The following USF3 variants were observed in gnomAD, a reference collection of about 807,000 sequenced individuals.
The protein encoded by USF3 is basic helix-loop-helix domain-containing protein USF3.
Under a neutral mutation model 157.5 loss-of-function variants are expected in USF3, and 29 were observed. That is an observed-to-expected ratio of 0.18 (90% CI 0.14 to 0.25). The LOEUF (loss-of-function observed/expected upper bound fraction) is 0.25. USF3 is among the 10% of genes least tolerant of loss of function. USF3 has a pLI of 1.00. For synonymous variants in USF3, 893 were observed against 941.4 expected (o/e 0.95, Z 0.94); for missense variants, 2,381 against 2,667.6 (o/e 0.89, Z 2.37).
At chr3:113,683,464 CTTTTT>C (rs5851905) in intron 1 of USF3, among the ~76,000 whole-genome samples, 4 of 87,112 alleles carry the variant, frequency 4.6e-5, no homozygotes, top group Admixed American at 1.4e-4. Context: ...TTATCCCCTG[CTTTTT>C]TTTTTTTTTT....
chr3:113,660,161 C>T lies in USF3; in HGVS notation c.1521G>A (p.Gln507=). 1 of 1,614,114 alleles carries T rather than the reference C, an allele frequency of 6.2e-7. No homozygotes were observed. Among genetic ancestry groups the T allele is most frequent in the Non-Finnish European group, 8.5e-7 (1 of 1,180,002 alleles). The part of the protein sequence containing the change: ...TLPSCPSLPM[Q]PLIAQPQVKS... Reference sequence around the variant, plus strand: ...TAACTTGTGGCTGGGCAATTAGTGGCTGCATAGGTAAAGATGGACAAGAAG... The same window carrying T: ...TAACTTGTGGCTGGGCAATTAGTGGTTGCATAGGTAAAGATGGACAAGAAG... The change falls in exon 7 of 7, where the codon CAG becomes CAA. Residue 507 remains glutamine (Q), a synonymous_variant. Coordinates refer to ENST00000316407, the MANE Select transcript of USF3 (RefSeq NM_001009899.4).
intron 4 of USF3, among the ~76,000 whole-genome samples, chr3:113,672,569 A>G (rs1707184631): frequency 6.6e-6 from 1 of 152,156 alleles, no homozygotes; most frequent in African/African-American, 2.4e-5. Flanking sequence ...CTCTAATAAT[A>G]GTATTTGTTG....
In USF3 at chr3:113,654,740, T is replaced by G; in HGVS notation, c.*204A>C. On this transcript the variant is annotated 3_prime_UTR_variant, in exon 7 of 7. Transcript: ENST00000316407. ...ACTTGGAAAATAAAAAAGTACACCATGCAGTTGAAAACGAAAGATAACTTG... is the reference window on the plus strand; with the variant it reads ...ACTTGGAAAATAAAAAAGTACACCAGGCAGTTGAAAACGAAAGATAACTTG... The G allele has an allele frequency of 3.7e-6, 2 of 544,416 alleles. No homozygotes were observed. The highest frequency in any genetic ancestry group is 6.3e-6 in the Non-Finnish European group (2 of 315,242). 33.7% of individuals were successfully genotyped at this position (544,416 alleles called of 1,614,324 possible). A position where few individuals can be genotyped will look rare whatever the true frequency, so the allele number is the denominator to read the frequency against.
Position 113,680,760 on chromosome 3 carries a change from G to A in USF3, c.-134-3363C>T, listed in dbSNP as rs538623786. 3.0e-4 allele frequency among the ~76,000 whole-genome samples: 44 copies of A among 147,822 alleles called. No homozygotes were observed. In the East Asian group the frequency reaches 8.6e-3, roughly 29 times the overall value. On this transcript the variant is annotated intron_variant, in intron 1 of 6. Transcript: ENST00000316407. ...AGGTTGCAGTGAGCCAAGATCACAC[G>A]CCACTCCAGCGTGAGTGACAGAATG...
chr3:113,657,734 G>A lies in USF3; in HGVS notation c.3948C>T (p.Leu1316=), dbSNP rs1001162417. The change falls in exon 7 of 7, where the codon CTC becomes CTT. Residue 1316 remains leucine, a synonymous_variant. Transcript: ENST00000316407. Reference sequence around the variant, plus strand: ...TACGGCTTTCATGGCTTGGCTTTAAGAGTGGCTCTTGAATCTGTGAATTTG... The same window carrying A: ...TACGGCTTTCATGGCTTGGCTTTAAAAGTGGCTCTTGAATCTGTGAATTTG... The part of the protein sequence containing the change: ...TIPNSQIQEP[L]LKPSHESRKD... 3 of 1,614,136 alleles carry A rather than the reference G, an allele frequency of 1.9e-6. No individual in the cohort carries two copies. Among genetic ancestry groups the A allele is most frequent in the East Asian group, 2.2e-5 (1 of 44,882 alleles).
intron 1 of USF3, among the ~76,000 whole-genome samples, chr3:113,687,622 T>A (rs1046508792): frequency 2.0e-5 from 3 of 152,374 alleles, no homozygotes; most frequent in Admixed American, 6.5e-5. Flanking sequence ...CTCAGTATAG[T>A]CTTCCCCCCT....
intron 4 of USF3, among the ~76,000 whole-genome samples, chr3:113,672,907 T>C (rs913889866): frequency 6.6e-6 from 1 of 152,232 alleles, no homozygotes; most frequent in Non-Finnish European, 1.5e-5. Flanking sequence ...TATCTTCCTA[T>C]AATTGAGGAC....
rs748831747 is a variant in USF3, at chr3:113,655,603, G to C, written c.6079C>G (p.Gln2027Glu). 6.2e-7 allele frequency: 1 copy of C among 1,613,982 alleles called. No individual in the cohort carries two copies. Among genetic ancestry groups the C allele is most frequent in the Admixed American group, 1.7e-5 (1 of 60,004 alleles). Residue 2027 changes from glutamine to glutamate, a missense_variant, in exon 7 of 7, where the codon CAA (glutamine) becomes GAA (glutamate). Around this residue, in one of 6 missense-constraint regions of USF3, gnomAD observed 770 missense variants for 824.2 expected, o/e 0.93. Transcript: ENST00000316407. ...STGGSMILGR[Q>E]QPATEKRGSI... Reference sequence around the variant, plus strand: ...CCTCTCTTCTCTGTGGCAGGTTGTTGACGTCCAAGAATCATACTGCCACCA... The same window carrying C: ...CCTCTCTTCTCTGTGGCAGGTTGTTCACGTCCAAGAATCATACTGCCACCA...
chr3:113,669,982 TA>T, intron 5 of USF3, 138 bp downstream of exon 5: 1 of 605,074 alleles, frequency 1.7e-6, no homozygotes, highest in South Asian at 2.1e-5. Context: ...TGGGAAGAAT[TA>T]AAACAAGGCA....
Position 113,673,396 on chromosome 3 carries a change from TA to T in USF3, c.48-21del. ...TTCTTTCTGAAACAAAAAGTACAGATAAAAGGTAACATGAAAATAATGGGAA... is the reference window on the plus strand; with the variant it reads ...TTCTTTCTGAAACAAAAAGTACAGATAAAGGTAACATGAAAATAATGGGAA... On this transcript the variant is annotated intron_variant, in intron 3 of 6. Transcript: ENST00000316407. The T allele has an allele frequency of 2.6e-6, 4 of 1,526,198 alleles. No individual in the cohort carries two copies. The highest frequency in any genetic ancestry group is 1.4e-5 in the African/African-American group (1 of 73,234). The allele number at this position is 1,526,198 out of a possible 1,614,324, so 94.5% of individuals were successfully genotyped here. A position where few individuals can be genotyped will look rare whatever the true frequency, so the allele number is the denominator to read the frequency against.
chr3:113,678,732 T>G (rs1707339613), intron 1 of USF3, among the ~76,000 whole-genome samples: 1 of 152,202 alleles, frequency 6.6e-6, no homozygotes, highest in Admixed American at 6.5e-5. Context: ...AAAGTGTCAT[T>G]AAAAATTTTT....
chr3:113,685,724 T>G (rs1173859108), intron 1 of USF3, among the ~76,000 whole-genome samples: 2 of 152,288 alleles, frequency 1.3e-5, no homozygotes, highest in East Asian at 3.9e-4. Context: ...TGATGTTTAT[T>G]CAAAACCCAA....
chr3:113,686,681 C>T (rs1029705818), intron 1 of USF3, among the ~76,000 whole-genome samples: 1 of 152,208 alleles, frequency 6.6e-6, no homozygotes, highest in African/African-American at 2.4e-5. Flanking sequence ...TGCCTCATCC[C>T]TTCCTCAGTG....
chr3:113,660,438 T>G lies in USF3; in HGVS notation c.1244A>C (p.Lys415Thr), dbSNP rs757964605. The change falls in exon 7 of 7, where the codon AAA becomes ACA. Residue 415 changes from lysine (K) to threonine (T), a missense_variant. By Grantham distance (78) the Lys-to-Thr change is moderately conservative (BLOSUM62 -1). This residue lies in a region of USF3 where 1,435 missense variants were observed against 1,550.9 expected (regional missense o/e 0.93). Coordinates refer to ENST00000316407, the MANE Select transcript of USF3 (RefSeq NM_001009899.4). ...PSSSVSTSDL[K>T]NINSLTRISS... Reference sequence around the variant, plus strand: ...GATTCGTGTAAGGCTATTAATGTTTTTCAAATCTGAAGTACTAACACTTGA... The same window carrying G: ...GATTCGTGTAAGGCTATTAATGTTTGTCAAATCTGAAGTACTAACACTTGA... The G allele has an allele frequency of 3.6e-5, 58 of 1,614,088 alleles. No homozygotes were observed. The highest frequency in any genetic ancestry group is 4.9e-5 in the Non-Finnish European group (58 of 1,180,044).
intron 1 of USF3, among the ~76,000 whole-genome samples, chr3:113,693,587 A>T (rs1393817317): frequency 6.6e-6 from 1 of 152,230 alleles, no homozygotes; most frequent in African/African-American, 2.4e-5. Flanking sequence ...AGGGTTCCAA[A>T]CCAAACCAAT....
intron 5 of USF3, among the ~76,000 whole-genome samples, chr3:113,666,347 G>A (rs992381128): frequency 1.4e-5 from 2 of 148,010 alleles, no homozygotes; most frequent in African/African-American, 2.5e-5. Flanking sequence ...TGCCTTTCGG[G>A]CTCAAGCAAT....
chr3:113,683,851 A>T (rs1241184218), intron 1 of USF3, among the ~76,000 whole-genome samples: 4 of 152,230 alleles, frequency 2.6e-5, no homozygotes, highest in African/African-American at 9.6e-5. Flanking sequence ...TATTTTTGAT[A>T]GATTTGTCTT....
At chr3:113,688,364 C>A (rs540622821) in intron 1 of USF3, among the ~76,000 whole-genome samples, 106 of 152,294 alleles carry the variant, frequency 7.0e-4, no homozygotes, top group African/African-American at 2.4e-3. Flanking sequence ...GTGATCCCCC[C>A]ACCTTGGCCT....
Position 113,649,075 on chromosome 3 carries a change from A to T in USF3, c.*5869T>A, listed in dbSNP as rs955339564. The T allele has an allele frequency of 2.0e-5, 3 of 152,654 alleles. No homozygotes were observed. The highest frequency in any genetic ancestry group is 7.2e-5 in the African/African-American group (3 of 41,546). 9.5% of individuals were successfully genotyped at this position (152,654 alleles called of 1,614,324 possible). A position where few individuals can be genotyped will look rare whatever the true frequency, so the allele number is the denominator to read the frequency against. Reference sequence around the variant, plus strand: ...ACCTCAGTGACTTCACAGATGAAAAATGATTTGAAGACTTCAGGGGTGGGA... The same window carrying T: ...ACCTCAGTGACTTCACAGATGAAAATTGATTTGAAGACTTCAGGGGTGGGA... On this transcript the variant is annotated 3_prime_UTR_variant, in exon 7 of 7. Coordinates refer to ENST00000316407, the MANE Select transcript of USF3 (RefSeq NM_001009899.4).
Sources: gnomAD v4.1 joint callset for allele counts (sites outside exome capture counted in the v4.1 genomes callset) on GRCh38, gnomAD v4.1.1 for gene constraint, gnomAD v4.1.1 regional missense constraint, MANE v1.5 for transcripts, NCBI Gene and HGNC (gene_info 2026-07-23, HGNC 2026-07-21) for gene names.